Variants in SRRM2 observed in about 807,000 individuals in gnomAD.
SRRM2 encodes the protein serine/arginine repetitive matrix 2.
Under a neutral mutation model 213.8 loss-of-function variants are expected in SRRM2, and 30 were observed. The ratio of observed to expected loss-of-function variants is 0.14; its 90% CI spans 0.10 to 0.19. The LOEUF (loss-of-function observed/expected upper bound fraction) is 0.19, where lower values mean the gene tolerates loss of function less well. SRRM2 is among the 10% of genes least tolerant of loss of function. SRRM2 has a pLI of 1.00. For synonymous variants in SRRM2, 2,025 were observed against 1,377.7 expected, an observed-to-expected ratio of 1.47 and a Z score of -10.40; for missense variants, 4,904 against 3,647.0, an observed-to-expected ratio of 1.34 and a Z score of -8.88.
Position 2,763,983 on chromosome 16 carries a change from C to G in SRRM2, c.3455C>G (p.Ser1152Cys), listed in dbSNP as rs1165945876. ...TCATATCCTACAGTGGACTCGAATT[C>G]TCTCTTGGGGCAGAGTAGATTGGAG... ...SSSYPTVDSN[S>C]LLGQSRLETA... The change falls in exon 11 of 15, where the codon TCT becomes TGT. Residue 1152 changes from serine to cysteine, a missense_variant. Transcript: ENST00000301740. 6.2e-7 allele frequency: 1 copy of G among 1,614,212 alleles called. No individual in the cohort carries two copies. The highest frequency in any genetic ancestry group is 1.7e-5 in the Admixed American group (1 of 60,028).
rs762854552 is a variant in SRRM2, at chr16:2,769,086, GCAGTTC to G, written c.7833_7838del (p.Ser2647_Ser2648del). 8 of 1,614,022 alleles carry G rather than the reference GCAGTTC, an allele frequency of 5.0e-6. No individual in the cohort carries two copies. The highest frequency in any genetic ancestry group is 1.3e-5 in the African/African-American group (1 of 75,006). ...CCAGCCAAACGGAAGAGGCGCTCTA[GCAGTTC>G]CAGTTCCAGCTCCTCCTCTTCATCT... On this transcript the variant is annotated inframe_deletion, in exon 12 of 15. Transcript: ENST00000301740.
chr16:2,755,311 G>A (rs2150770136), intron 1 of SRRM2, among the ~76,000 whole-genome samples: 1 of 152,258 alleles, frequency 6.6e-6, no homozygotes, highest in Non-Finnish European at 1.5e-5. Context: ...GAAGGAAGAG[G>A]CAGGGCTGAG....
At chr16:2,768,805 G>T (rs1363212067) in intron 11 of SRRM2, 192 bp from the exon 12 acceptor site, 1 of 1,124,268 alleles carries the variant, frequency 8.9e-7, no homozygotes, top group Non-Finnish European at 1.3e-6. Context: ...GCCCCAGCCT[G>T]TTGCTTCTGT....
In SRRM2 at chr16:2,766,131, C is replaced by T. The variant is rs900077843; in HGVS notation, c.5603C>T (p.Ala1868Val). The T allele has an allele frequency of 1.1e-5, 17 of 1,614,052 alleles. No homozygotes were observed. The highest frequency in any genetic ancestry group is 1.4e-5 in the Non-Finnish European group (16 of 1,180,032). Residue 1868 changes from alanine to valine, a missense_variant, in exon 11 of 15, where the codon GCC (alanine) becomes GTC (valine). By Grantham distance (64) the Ala-to-Val change is moderately conservative. Transcript: ENST00000301740. This position sits in a 1 kb window ranked among gnomAD's most constrained non-coding sequence, Gnocchi z 7.0. ...PAPWKRSRSRASPATHRRSRS... is the reference protein window; with the variant it reads ...PAPWKRSRSRVSPATHRRSRS... ...CCGTGGAAACGCTCTAGATCTCGAG[C>T]CTCTCCAGCCACTCACCGGCGATCC...
rs200234268 is a variant in SRRM2 at position 2,762,990 on chromosome 16, C to T, written c.2462C>T (p.Pro821Leu). The change falls in exon 11 of 15, where the codon CCG (proline) becomes CTG (leucine). Residue 821 changes from proline to leucine, a missense_variant. Pro to Leu is a moderately conservative substitution (Grantham distance 98, BLOSUM62 -3). Coordinates refer to ENST00000301740, the MANE Select transcript of SRRM2 (RefSeq NM_016333.4). ...AGACGCAGTCGCTCCAGTTCTTCTC[C>T]GCCACCTAAACAGAAATCTAAGACA... ...PPRRSRSSSS[P>L]PPKQKSKTPS... The T allele has an allele frequency of 5.2e-5, 84 of 1,613,986 alleles. No homozygotes were observed. Among genetic ancestry groups the T allele is most frequent in the South Asian group, 1.5e-4 (14 of 91,074 alleles).
In SRRM2 at chr16:2,768,153, C is replaced by G. The variant is rs763340991; in HGVS notation, c.7625C>G (p.Ser2542Cys). Reference protein sequence around the residue: ...SSSSSSSSSSSSSSSSSSSSS... With the variant: ...SSSSSSSSSSCSSSSSSSSSS... ...TCCTCGTCGTCGTCGTCCTCTAGCT[C>G]CTCCTCTTCTTCATCATCGTCGTCG... Residue 2542 changes from serine to cysteine, a missense_variant, in exon 11 of 15, where the codon TCC (serine) becomes TGC (cysteine). Transcript: ENST00000301740. 2.6e-5 allele frequency: 42 copies of G among 1,612,910 alleles called. No homozygotes were observed. Among genetic ancestry groups the G allele is most frequent in the East Asian group, 4.5e-5 (2 of 44,874 alleles).
Position 2,767,854 on chromosome 16 carries a change from A to G in SRRM2, c.7326A>G (p.Pro2442=), listed in dbSNP as rs150696085. ...CTCCTTCACAGTCTCTTCTCCCTCC[A>G]GCACAGGATCAGCCGAGGTCTCCTG... is the stretch of plus-strand genomic sequence containing the variant. ...GQAPSQSLLP[P]AQDQPRSPVP... is the part of the protein sequence containing the mutation. The change falls in exon 11 of 15, where the codon CCA becomes CCG. Residue 2442 remains proline (P), a synonymous_variant. Transcript: ENST00000301740. 3.7e-6 allele frequency: 6 copies of G among 1,613,852 alleles called. No homozygotes were observed. In the African/African-American group the frequency reaches 8.0e-5, roughly 22 times the overall value.
Position 2,752,677 on chromosome 16 carries a change from C to T in SRRM2, c.-201C>T, listed in dbSNP as rs994905788. The T allele has an allele frequency of 1.0e-5, 3 of 290,320 alleles. No individual in the cohort carries two copies. Among genetic ancestry groups the T allele is most frequent in the South Asian group, 2.4e-5 (1 of 41,616 alleles). 18.0% of individuals were successfully genotyped at this position (290,320 alleles called of 1,614,324 possible). On this transcript the variant is annotated 5_prime_UTR_variant, in exon 1 of 15. Transcript: ENST00000301740. ...CGCGGCCCAGGCGGGGTGCGAGTGG[C>T]GCAGTTGGAGCCCGTTGCGGCCCCT... is the stretch of plus-strand genomic sequence containing the variant.
chr16:2,769,782 C>T (rs1371029490), intron 12 of SRRM2: 18 of 466,094 alleles, frequency 3.9e-5, no homozygotes, highest in Admixed American at 1.2e-4. Flanking sequence ...GCGGGAGTGG[C>T]GTGTGAGGCT....
rs1207955090 is a variant in SRRM2, at chr16:2,764,839, G to C, written c.4311G>C (p.Arg1437Ser). The change falls in exon 11 of 15, where the codon AGG (arginine) becomes AGC (serine). Residue 1437 changes from arginine (R) to serine (S), a missense_variant. Transcript: ENST00000301740. ...MKDGLPRTPS[R>S]RSRSGSSPGL... ...ATGGTTTACCCAGAACTCCATCAAG[G>C]AGAAGCAGGTCTGGGTCTTCTCCAG... 1.9e-6 allele frequency: 3 copies of C among 1,614,194 alleles called. No homozygotes were observed. The highest frequency in any genetic ancestry group is 2.5e-6 in the Non-Finnish European group (3 of 1,180,032).
intron 12 of SRRM2, 37 bp from the exon 13 acceptor site, chr16:2,770,315 A>G: frequency 6.5e-7 from 1 of 1,533,270 alleles, no homozygotes; most frequent in Non-Finnish European, 8.8e-7. Flanking sequence ...TGTGCTTGAA[A>G]GGGTGTGGTG....
At position 2,769,002 on chromosome 16, in the gene SRRM2, C is replaced by T. The variant is rs760467876; in HGVS notation, c.7739C>T (p.Pro2580Leu). The T allele has an allele frequency of 3.1e-6, 5 of 1,613,376 alleles. No individual in the cohort carries two copies. The highest frequency in any genetic ancestry group is 1.7e-5 in the Admixed American group (1 of 59,986). Residue 2580 changes from proline (P) to leucine (L), a missense_variant, in exon 12 of 15, where the codon CCC becomes CTC. Transcript: ENST00000301740. ...VQPEVALKRV[P>L]SPTPAPKEAV... is the part of the protein sequence containing the mutation. ...ACACTCCTCTCCTCCCACAGGGTCC[C>T]CAGCCCCACCCCAGCCCCAAAGGAG...
In SRRM2 at chr16:2,752,696, G is replaced by T. The variant is rs1173600927; in HGVS notation, c.-182G>T. The stretch of plus-strand genomic sequence containing the variant: ...GAGTGGCGCAGTTGGAGCCCGTTGC[G>T]GCCCCTGAGGAAGCGAGGAGGCGTC... On this transcript the variant is annotated 5_prime_UTR_variant, in exon 1 of 15. Transcript: ENST00000301740. 1 of 326,094 alleles carries T rather than the reference G, an allele frequency of 3.1e-6. No individual in the cohort carries two copies. Among genetic ancestry groups the T allele is most frequent in the South Asian group, 2.1e-5 (1 of 48,654 alleles). The allele number at this position is 326,094 out of a possible 1,614,324, so 20.2% of individuals were successfully genotyped here.
Position 2,763,208 on chromosome 16 carries a change from T to G in SRRM2, c.2680T>G (p.Ser894Ala). The change falls in exon 11 of 15, where the codon TCC (serine) becomes GCC (alanine). Residue 894 changes from serine (S) to alanine (A), a missense_variant. Physicochemically the swap from Ser to Ala is moderately conservative, Grantham distance 99. Coordinates refer to ENST00000301740, the MANE Select transcript of SRRM2 (RefSeq NM_016333.4). ...RTPSRHSCSG[S>A]SPPRVKSSTP... ...CCCTTCTAGACATAGCTGCTCAGGG[T>G]CCTCTCCTCCTAGAGTGAAATCTAG... 1 of 1,613,732 alleles carries G rather than the reference T, an allele frequency of 6.2e-7. No individual in the cohort carries two copies. Among genetic ancestry groups the G allele is most frequent in the East Asian group, 2.2e-5 (1 of 44,878 alleles).
At position 2,764,327 on chromosome 16, in the gene SRRM2, A is replaced by G. The variant is rs560979753; in HGVS notation, c.3799A>G (p.Asn1267Asp). 6.8e-6 allele frequency: 11 copies of G among 1,614,184 alleles called. No homozygotes were observed. The South Asian group carries it at 1.1e-4, about 16-fold the overall frequency. ...SSELKEMSTS[N>D]FESSPEVEER... ...AGAACTTAAAGAAATGTCCACAAGT[A>G]ACTTTGAATCATCTCCTGAAGTAGA... Residue 1267 changes from asparagine (N) to aspartate (D), a missense_variant, in exon 11 of 15, where the codon AAC becomes GAC. Transcript: ENST00000301740.
At position 2,771,372 on chromosome 16, in the gene SRRM2, G is replaced by T. The variant is rs188485694; in HGVS notation, c.*505G>T. 6.3e-6 allele frequency: 10 copies of T among 1,599,852 alleles called. No individual in the cohort carries two copies. Among genetic ancestry groups the T allele is most frequent in the Non-Finnish European group, 8.6e-6 (10 of 1,167,782 alleles). ...TGGTTTTTTAAAATCTGTACAGCAA[G>T]AGCAACTTTTTCTGTCAAATAAAAA... On this transcript the variant is annotated 3_prime_UTR_variant, in exon 15 of 15. Transcript: ENST00000301740.
chr16:2,770,830 C>G lies in SRRM2; in HGVS notation c.8250-28C>G, dbSNP rs186559209. On this transcript the variant is annotated intron_variant, in intron 14 of 14. Transcript: ENST00000301740. ...GGCCTTGAGGGCTGGGGTGGGAACTCCCTGTTGACCCATATCTTCTCTTGC... is the reference window on the plus strand; with the variant it reads ...GGCCTTGAGGGCTGGGGTGGGAACTGCCTGTTGACCCATATCTTCTCTTGC... The G allele has an allele frequency of 3.1e-6, 5 of 1,613,976 alleles. No individual in the cohort carries two copies. In the East Asian group the frequency reaches 1.1e-4, roughly 36 times the overall value.
rs781222683 is a variant in SRRM2 at position 2,759,660 on chromosome 16, C to T, written c.832C>T (p.Arg278Trp). 11 of 1,613,268 alleles carry T rather than the reference C, an allele frequency of 6.8e-6. No individual in the cohort carries two copies. Among genetic ancestry groups the T allele is most frequent in the South Asian group, 1.1e-5 (1 of 91,032 alleles). Residue 278 changes from arginine to tryptophan, a missense_variant and splice_region_variant, in exon 9 of 15, where the codon CGG becomes TGG. By Grantham distance (101) the Arg-to-Trp change is moderately radical. Coordinates refer to ENST00000301740, the MANE Select transcript of SRRM2 (RefSeq NM_016333.4). ...TTCCTCCTCCGATACTTCCCGCAGT[C>T]GGTAAGGGGTAGTCCAGGAGGAAGG... ...SASSSDTSRS[R>W]SRSAAAKTHT... is the part of the protein sequence containing the mutation.
At position 2,768,225 on chromosome 16, in the gene SRRM2, C is replaced by A; in HGVS notation, c.7697C>A (p.Ser2566Tyr). Residue 2566 changes from serine (S) to tyrosine (Y), a missense_variant, in exon 11 of 15, where the codon TCT (serine) becomes TAT (tyrosine). Ser to Tyr is a moderately radical substitution (Grantham distance 144). Transcript: ENST00000301740. ...SGSSSSDSEG[S>Y]SLPVQPEVAL... ...TCCAGTTCTAGTGACTCAGAGGGCT[C>A]TAGCCTTCCTGTGCAACCTGAGGTG... The A allele has an allele frequency of 6.3e-7, 1 of 1,578,898 alleles. No homozygotes were observed. The highest frequency in any genetic ancestry group is 1.2e-5 in the South Asian group (1 of 85,766).
Sources: gnomAD v4.1 joint callset for allele counts (sites outside exome capture counted in the v4.1 genomes callset) on GRCh38, gnomAD v4.1.1 for gene constraint, Gnocchi (gnomAD v3.1) non-coding constraint, MANE v1.5 for transcripts, NCBI Gene and HGNC (gene_info 2026-07-23, HGNC 2026-07-21) for gene names.